R3HCC1L: variants seen among roughly 807,000 people sequenced by gnomAD.
R3HCC1L encodes the protein R3H domain and coiled-coil containing 1 like.
A neutral mutation model predicts 59.9 loss-of-function variants in R3HCC1L; 51 were observed. The ratio of observed to expected loss-of-function variants is 0.85; its 90% CI spans 0.68 to 1.07. The LOEUF (loss-of-function observed/expected upper bound fraction) is 1.07, where lower values mean the gene tolerates loss of function less well. R3HCC1L is among the 50% of genes least tolerant of loss of function. The probability of loss-of-function intolerance (pLI) is 0.00; values close to 1 mark genes in which losing one functional copy is unlikely to be tolerated. For synonymous variants in R3HCC1L, 322 were observed against 315.2 expected (o/e 1.02, Z -0.23); for missense variants, 965 against 933.0 (o/e 1.03, Z -0.45).
At chr10:98,165,862 A>C (rs996669209) in intron 4 of R3HCC1L, among the ~76,000 whole-genome samples, 6 of 152,316 alleles carry the variant, frequency 3.9e-5, no homozygotes, top group African/African-American at 1.4e-4. Context: ...CATGAATGAC[A>C]TGGCTTCCCC....
intron 4 of R3HCC1L, among the ~76,000 whole-genome samples, chr10:98,195,333 G>C (rs1403133988): frequency 6.6e-6 from 1 of 152,080 alleles, no homozygotes; most frequent in Non-Finnish European, 1.5e-5. Context: ...AGTGAGTGTA[G>C]AGTTTCAGTC....
intron 6 of R3HCC1L, among the ~76,000 whole-genome samples, chr10:98,232,233 G>A (rs537447939): frequency 3.3e-5 from 5 of 152,132 alleles, no homozygotes; most frequent in Non-Finnish European, 4.4e-5. Context: ...TAAGCCATCC[G>A]CCTACTTCAG....
At chr10:98,178,974 G>A (rs1849341461) in intron 4 of R3HCC1L, among the ~76,000 whole-genome samples, 1 of 152,144 alleles carries the variant, frequency 6.6e-6, no homozygotes, top group Admixed American at 6.5e-5. Context: ...CTGAGTTGAT[G>A]GGGTTTTCTA....
At chr10:98,204,185 G>A (rs901830080) in intron 4 of R3HCC1L, among the ~76,000 whole-genome samples, 1 of 152,156 alleles carries the variant, frequency 6.6e-6, no homozygotes, top group African/African-American at 2.4e-5. Flanking sequence ...CACGTGGGCG[G>A]ATCACCTGAG....
At chr10:98,177,158 C>T (rs573718439) in intron 4 of R3HCC1L, among the ~76,000 whole-genome samples, 2 of 152,130 alleles carry the variant, frequency 1.3e-5, no homozygotes, top group South Asian at 4.2e-4. Flanking sequence ...TTAGGTATTT[C>T]TCCTAATGCT....
At chr10:98,202,908 A>C (rs1175086945) in intron 4 of R3HCC1L, among the ~76,000 whole-genome samples, 1 of 151,830 alleles carries the variant, frequency 6.6e-6, no homozygotes, top group East Asian at 1.9e-4. Context: ...CCAAAATGTC[A>C]GTGTCATAAA....
chr10:98,235,333 A>T, intron 7 of R3HCC1L, 92 bp from the exon 8 acceptor site: 1 of 1,075,582 alleles, frequency 9.3e-7, no homozygotes, highest in Non-Finnish European at 1.4e-6. Context: ...AAAAAAAAGC[A>T]TAACATCTAG....
intron 9 of R3HCC1L, among the ~76,000 whole-genome samples, chr10:98,239,077 C>T (rs1390392579): frequency 3.3e-5 from 5 of 152,188 alleles, no homozygotes; most frequent in Admixed American, 3.3e-4. Context: ...TCTGTGCCCC[C>T]TGGTTTCCAG....
chr10:98,151,905 GCTCT>G (rs747724965), intron 1 of R3HCC1L, among the ~76,000 whole-genome samples: 133 of 151,754 alleles, frequency 8.8e-4, no homozygotes, highest in African/African-American at 2.8e-3. Flanking sequence ...ATTCCAGCTC[GCTCT>G]CTCTCTCTCC....
chr10:98,243,615 T>A (rs1857775378), intron 9 of R3HCC1L, among the ~76,000 whole-genome samples: 1 of 152,206 alleles, frequency 6.6e-6, no homozygotes. Context: ...ATTTTTTCAA[T>A]AAAGTTTTAG....
chr10:98,220,409 A>T (rs1462368999), intron 5 of R3HCC1L, among the ~76,000 whole-genome samples: 2 of 121,638 alleles, frequency 1.6e-5, no homozygotes, highest in African/African-American at 5.7e-5. Context: ...TTATACTCTA[A>T]GTTTTAGGGT....
rs1211784688 is a variant in R3HCC1L, at chr10:98,209,469, C to T, written c.1355C>T (p.Ser452Leu). 4.3e-6 allele frequency: 7 copies of T among 1,613,550 alleles called. No individual in the cohort carries two copies. The highest frequency in any genetic ancestry group is 5.9e-6 in the Non-Finnish European group (7 of 1,179,984). The change falls in exon 5 of 10, where the codon TCA becomes TTA. Residue 452 changes from serine to leucine, a missense_variant. Coordinates refer to ENST00000298999, the MANE Select transcript of R3HCC1L (RefSeq NM_001351015.2). ...ACSDIYGESI[S>L]SHFTESTGKL... The stretch of plus-strand genomic sequence containing the variant: ...TCAGATATTTATGGTGAGAGTATTT[C>T]ATCTCATTTTACAGAGTCAACAGGA...
rs541761373 is a variant in R3HCC1L, at chr10:98,148,244, G to T, written c.-267-7849G>T. ...CTGATTTTTGTATGTTGATTTTTGT[G>T]TCCTACAACTTTACTGAATTTATCA... On this transcript the variant is annotated intron_variant, in intron 1 of 9. Coordinates refer to ENST00000298999, the MANE Select transcript of R3HCC1L (RefSeq NM_001351015.2). 5.9e-5 allele frequency among the ~76,000 whole-genome samples: 9 copies of T among 152,110 alleles called. No individual in the cohort carries two copies. In the East Asian group the frequency reaches 1.7e-3, roughly 29 times the overall value.
At chr10:98,154,667 C>T (rs1846661278) in intron 1 of R3HCC1L, among the ~76,000 whole-genome samples, 2 of 152,118 alleles carry the variant, frequency 1.3e-5, no homozygotes, top group African/African-American at 4.8e-5. Flanking sequence ...CAGTGCCTGG[C>T]CGTTCAAATA....
chr10:98,180,072 T>C (rs1849482321), intron 4 of R3HCC1L, among the ~76,000 whole-genome samples: 1 of 152,202 alleles, frequency 6.6e-6, no homozygotes, highest in Non-Finnish European at 1.5e-5. Context: ...TTTGCTCTGA[T>C]CTTAGTTATT....
intron 5 of R3HCC1L, among the ~76,000 whole-genome samples, chr10:98,213,214 G>A (rs974454253): frequency 6.6e-5 from 10 of 152,136 alleles, no homozygotes; most frequent in African/African-American, 2.4e-4. Flanking sequence ...ATAGTTGGTA[G>A]CCCATCACCT....
chr10:98,172,830 C>T (rs1488055758), intron 4 of R3HCC1L, among the ~76,000 whole-genome samples: 1 of 152,136 alleles, frequency 6.6e-6, no homozygotes, highest in Non-Finnish European at 1.5e-5. Flanking sequence ...ACTTCCCATA[C>T]AAAATTTGAC....
chr10:98,154,271 G>A (rs184858461), intron 1 of R3HCC1L, among the ~76,000 whole-genome samples: 51 of 151,728 alleles, frequency 3.4e-4, no homozygotes, highest in African/African-American at 1.0e-3. Flanking sequence ...ATTGTGGGGA[G>A]CCTCCCATTG....
intron 5 of R3HCC1L, among the ~76,000 whole-genome samples, chr10:98,220,221 A>G (rs1854714404): frequency 1.3e-5 from 2 of 151,918 alleles, no homozygotes; most frequent in South Asian, 4.2e-4. Flanking sequence ...GTTCTTCTTT[A>G]TAAACTCTAA....
Sources: allele counts gnomAD v4.1 joint callset (sites outside exome capture counted in the v4.1 genomes callset), GRCh38; gene constraint gnomAD v4.1.1; transcripts MANE v1.5; gene names NCBI Gene and HGNC (gene_info 2026-07-23, HGNC 2026-07-21).